INVS: variants seen among roughly 807,000 people sequenced by gnomAD.
INVS encodes the protein inversion of embryo turning homolog.
Under a neutral mutation model 108.8 loss-of-function variants are expected in INVS, and 86 were observed. That is an observed-to-expected ratio of 0.79 (90% CI 0.66 to 0.95). The LOEUF is 0.95. INVS is among the 40% of genes least tolerant of loss of function. INVS has a pLI of 0.00. For missense variants in INVS, 1,169 were observed against 1,297.4 expected, an observed-to-expected ratio of 0.90 and a Z score of 1.52; for synonymous variants, 455 against 473.5, an observed-to-expected ratio of 0.96 and a Z score of 0.51.
intron 3 of INVS, among the ~76,000 whole-genome samples, chr9:100,132,952 A>C (rs1828096099): frequency 6.6e-6 from 1 of 152,120 alleles, no homozygotes; most frequent in African/African-American, 2.4e-5. Flanking sequence ...TAAAAATACA[A>C]AACTTAGCTG....
chr9:100,209,133 T>C (rs1158728560), intron 3 of INVS, among the ~76,000 whole-genome samples: 1 of 152,126 alleles, frequency 6.6e-6, no homozygotes, highest in Admixed American at 6.5e-5. Context: ...ATCAATATGC[T>C]AGGAAAATGA....
intron 3 of INVS, among the ~76,000 whole-genome samples, chr9:100,149,267 G>A (rs771802648): frequency 6.6e-6 from 1 of 152,146 alleles, no homozygotes; most frequent in Non-Finnish European, 1.5e-5. Context: ...TTGACTGTTG[G>A]TATGCTTCCA....
intron 6 of INVS, among the ~76,000 whole-genome samples, chr9:100,241,083 T>A (rs1831855705): frequency 6.6e-6 from 1 of 152,198 alleles, no homozygotes. Flanking sequence ...TACTTGTTAA[T>A]GTAATCTGAG....
chr9:100,157,428 C>T (rs1829032112), intron 3 of INVS, among the ~76,000 whole-genome samples: 2 of 151,810 alleles, frequency 1.3e-5, no homozygotes, highest in Non-Finnish European at 2.9e-5. Flanking sequence ...CCACGCCTGG[C>T]TAATTTTTTT....
intron 3 of INVS, among the ~76,000 whole-genome samples, chr9:100,220,455 T>C (rs1239547067): frequency 6.6e-6 from 1 of 152,226 alleles, no homozygotes; most frequent in Non-Finnish European, 1.5e-5. Flanking sequence ...AGAAGCATGA[T>C]GGACCTGATC....
intron 3 of INVS, among the ~76,000 whole-genome samples, chr9:100,135,331 T>A (rs749954348): frequency 5.3e-5 from 8 of 152,104 alleles, no homozygotes; most frequent in Non-Finnish European, 1.2e-4. Flanking sequence ...GTGTCTATGC[T>A]CTTATCCAGG....
In INVS at chr9:100,185,516, AATATATATATATATATATAT is replaced by A. The variant is rs35603398; in HGVS notation, c.274-40523_274-40504del. Among the ~76,000 whole-genome samples, 290 of 110,858 alleles carry A rather than the reference AATATATATATATATATATAT, an allele frequency of 2.6e-3. 2 individuals carry two copies. Among genetic ancestry groups the A allele is most frequent in the African/African-American group, 6.8e-3 (211 of 31,136 alleles). 72.7% of individuals were successfully genotyped at this position (110,858 alleles called of 152,430 possible). A position where few individuals can be genotyped will look rare whatever the true frequency, so the allele number is the denominator to read the frequency against. ...ACACTTCATTTTGTATATGCATAGA[AATATATATATATATATATAT>A]ATATATATATATATATATATATTCA... is the stretch of plus-strand genomic sequence containing the variant. On this transcript the variant is annotated intron_variant, in intron 3 of 16. Transcript: ENST00000262457.
intron 10 of INVS, among the ~76,000 whole-genome samples, chr9:100,254,171 G>C (rs1478623519): frequency 6.6e-6 from 1 of 152,154 alleles, no homozygotes; most frequent in Non-Finnish European, 1.5e-5. Context: ...GGCCAGTGAT[G>C]ATGAGCATTT....
intron 12 of INVS, among the ~76,000 whole-genome samples, chr9:100,275,448 C>T (rs1219318746): frequency 1.3e-5 from 2 of 152,188 alleles, no homozygotes; most frequent in African/African-American, 4.8e-5. Flanking sequence ...CTGTAGATCT[C>T]TAAGAGATAT....
intron 2 of INVS, among the ~76,000 whole-genome samples, chr9:100,112,994 T>A (rs1313258522): frequency 6.6e-6 from 1 of 152,252 alleles, no homozygotes; most frequent in Non-Finnish European, 1.5e-5. Flanking sequence ...CAGTAGAGAC[T>A]GCCCTTTAAT....
At chr9:100,117,570 G>T (rs943469425) in intron 2 of INVS, 118 of 1,062,526 alleles carry the variant, frequency 1.1e-4, no homozygotes, top group Admixed American at 4.0e-5. Context: ...AAGCCACCGC[G>T]GTTCCCCATC....
chr9:100,114,396 T>C (rs1040758458), intron 2 of INVS, among the ~76,000 whole-genome samples: 8 of 132,248 alleles, frequency 6.0e-5, no homozygotes, highest in Admixed American at 7.7e-5. Flanking sequence ...TCTTTCTTTT[T>C]TTTTTTTTTT....
intron 3 of INVS, among the ~76,000 whole-genome samples, chr9:100,153,140 C>T (rs191931793): frequency 2.0e-5 from 3 of 149,658 alleles, no homozygotes; most frequent in East Asian, 2.0e-4. Flanking sequence ...TGAAGAATCT[C>T]GGTGTAAGGA....
intron 3 of INVS, among the ~76,000 whole-genome samples, chr9:100,195,767 C>T (rs1247398477): frequency 2.0e-5 from 3 of 152,042 alleles, no homozygotes; most frequent in East Asian, 3.9e-4. Flanking sequence ...GGATTACAGG[C>T]GTGAGCCACC....
intron 12 of INVS, among the ~76,000 whole-genome samples, chr9:100,282,048 C>A (rs1474343205): frequency 6.6e-6 from 1 of 152,160 alleles, no homozygotes; most frequent in Admixed American, 6.6e-5. Context: ...AGACAGCCAC[C>A]CACATGTGTC....
At chr9:100,232,841 T>C (rs1831556167) in intron 5 of INVS, among the ~76,000 whole-genome samples, 1 of 152,144 alleles carries the variant, frequency 6.6e-6, no homozygotes, top group Non-Finnish European at 1.5e-5. Flanking sequence ...ATACAGGCTC[T>C]TTTTTTGTTC....
intron 5 of INVS, among the ~76,000 whole-genome samples, chr9:100,231,912 C>T (rs1831525638): frequency 6.6e-6 from 1 of 152,130 alleles, no homozygotes; most frequent in Non-Finnish European, 1.5e-5. Context: ...GGTTCTAGAT[C>T]CTTGAGGAGT....
chr9:100,103,947 CT>C (rs1392216604), intron 1 of INVS, among the ~76,000 whole-genome samples: 5 of 152,090 alleles, frequency 3.3e-5, no homozygotes, highest in Admixed American at 6.5e-5. Flanking sequence ...ATCGGGCTCA[CT>C]TTTATTTGCA....
At chr9:100,196,424 T>C (rs918689894) in intron 3 of INVS, among the ~76,000 whole-genome samples, 1 of 152,152 alleles carries the variant, frequency 6.6e-6, no homozygotes, top group African/African-American at 2.4e-5. Flanking sequence ...CCATGGGACA[T>C]CAGAATACCT....
Sources: allele counts gnomAD v4.1 joint callset (sites outside exome capture counted in the v4.1 genomes callset), GRCh38; gene constraint gnomAD v4.1.1; transcripts MANE v1.5; gene names NCBI Gene and HGNC (gene_info 2026-07-23, HGNC 2026-07-21).